The following LDLRAD2 variants were observed in gnomAD, a reference collection of about 807,000 sequenced individuals.
The protein encoded by LDLRAD2 is low-density lipoprotein receptor class A domain-containing protein 2.
Under a neutral mutation model 24.9 loss-of-function variants are expected in LDLRAD2, and 25 were observed. That is an observed-to-expected ratio of 1.00 (90% confidence interval 0.73 to 1.40). The LOEUF (loss-of-function observed/expected upper bound fraction) is 1.40. LDLRAD2 is among the 40% of genes most tolerant of loss of function. The pLI is 0.00. For missense variants in LDLRAD2, 391 were observed against 366.2 expected, an observed-to-expected ratio of 1.07 and a Z score of -0.55; for synonymous variants, 182 against 166.7, an observed-to-expected ratio of 1.09 and a Z score of -0.71.
chr1:21,815,762 C>G (rs1416927079), intron 2 of LDLRAD2, among the ~76,000 whole-genome samples, 181 bp from the exon 3 acceptor site: 1 of 152,188 alleles, frequency 6.6e-6, no homozygotes, highest in Non-Finnish European at 1.5e-5. Context: ...GAAGTCAGTA[C>G]ATGTTAGCTG....
rs1473827463 is a variant in LDLRAD2 at position 21,814,677 on chromosome 1, C to A, written c.365C>A (p.Ala122Glu). 3.8e-6 allele frequency: 6 copies of A among 1,569,136 alleles called. No individual in the cohort carries two copies. The highest frequency in any genetic ancestry group is 1.9e-5 in the Admixed American group (1 of 53,186). The change falls in exon 2 of 5, where the codon GCG becomes GAG. Residue 122 changes from alanine (A) to glutamate (E), a missense_variant. By Grantham distance (107) the Ala-to-Glu change is moderately radical. Coordinates refer to ENST00000344642, the MANE Select transcript of LDLRAD2 (RefSeq NM_001013693.3). Reference sequence around the variant, plus strand: ...CAGTTCTACGAGGGCCCGCCGGGGGCGCCCCGGCCCCTGGGGTCCCCACTG... The same window carrying A: ...CAGTTCTACGAGGGCCCGCCGGGGGAGCCCCGGCCCCTGGGGTCCCCACTG... The part of the protein sequence containing the change: ...YLQFYEGPPG[A>E]PRPLGSPLCG...
In LDLRAD2 at chr1:21,823,145, G is replaced by A. The variant is rs1279981587; in HGVS notation, c.*930G>A. The A allele has an allele frequency of 4.8e-6, 3 of 622,844 alleles. No homozygotes were observed. The highest frequency in any genetic ancestry group is 3.4e-5 in the Admixed American group (1 of 29,782). 38.6% of individuals were successfully genotyped at this position (622,844 alleles called of 1,614,324 possible). ...CTGGCCAGCCTTGTGGCTTTGCCCA[G>A]CTGTGTGTGTGAGGGTGGCATGCCC... On this transcript the variant is annotated 3_prime_UTR_variant, in exon 5 of 5. Transcript: ENST00000344642.
Position 21,823,872 on chromosome 1 carries a change from G to A in LDLRAD2, c.*1657G>A, listed in dbSNP as rs1265202659. 4.0e-6 allele frequency: 3 copies of A among 754,586 alleles called. No individual in the cohort carries two copies. Among genetic ancestry groups the A allele is most frequent in the Non-Finnish European group, 4.5e-6 (2 of 439,928 alleles). 46.7% of individuals were successfully genotyped at this position (754,586 alleles called of 1,614,324 possible). On this transcript the variant is annotated 3_prime_UTR_variant, in exon 5 of 5. Coordinates refer to ENST00000344642, the MANE Select transcript of LDLRAD2 (RefSeq NM_001013693.3). ...TCTTTCCCCCGCTGAACGAGAGATC[G>A]GGCCCCACAAACACAGCTTCCTCAT...
intron 3 of LDLRAD2, among the ~76,000 whole-genome samples, chr1:21,819,613 C>A: frequency 1.0e-5 from 1 of 98,012 alleles, no homozygotes; most frequent in Non-Finnish European, 1.9e-5. Context: ...GAAGTAGAGC[C>A]ATGGTCACTA....
rs1362522273 is a variant in LDLRAD2 at position 21,822,233 on chromosome 1, C to T, written c.*18C>T. ...CTGAGTGAAGCCCTCATCAAAGACTCAGGAGGCCCCTGGCGGGGATAGCAC... is the reference window on the plus strand; with the variant it reads ...CTGAGTGAAGCCCTCATCAAAGACTTAGGAGGCCCCTGGCGGGGATAGCAC... On this transcript the variant is annotated 3_prime_UTR_variant, in exon 5 of 5. Transcript: ENST00000344642. 8.7e-6 allele frequency: 14 copies of T among 1,611,608 alleles called. No individual in the cohort carries two copies. Among genetic ancestry groups the T allele is most frequent in the Non-Finnish European group, 1.1e-5 (13 of 1,177,832 alleles).
rs746232170 is a variant in LDLRAD2, at chr1:21,814,552, G to A, written c.240G>A (p.Gln80=). Residue 80 remains glutamine, a synonymous_variant, in exon 2 of 5, where the codon CAG becomes CAA. Coordinates refer to ENST00000344642, the MANE Select transcript of LDLRAD2 (RefSeq NM_001013693.3). ...AAAPGDRIRF[Q]FRFFLVYSLT... is the part of the protein sequence containing the mutation. ...CCCCCGGCGACCGGATCCGCTTCCA[G>A]TTCCGCTTCTTCCTGGTCTACAGCC... The A allele has an allele frequency of 3.7e-6, 6 of 1,612,466 alleles. No homozygotes were observed. Among genetic ancestry groups the A allele is most frequent in the Non-Finnish European group, 4.2e-6 (5 of 1,179,558 alleles).
At position 21,814,581 on chromosome 1, in the gene LDLRAD2, C is replaced by T. The variant is rs536305107; in HGVS notation, c.269C>T (p.Thr90Ile). The T allele has an allele frequency of 6.2e-7, 1 of 1,611,710 alleles. No homozygotes were observed. Among genetic ancestry groups the T allele is most frequent in the South Asian group, 1.1e-5 (1 of 91,024 alleles). The change falls in exon 2 of 5, where the codon ACC becomes ATC. Residue 90 changes from threonine (T) to isoleucine (I), a missense_variant. Coordinates refer to ENST00000344642, the MANE Select transcript of LDLRAD2 (RefSeq NM_001013693.3). The stretch of plus-strand genomic sequence containing the variant: ...CGCTTCTTCCTGGTCTACAGCCTGA[C>T]CCCCGCGCCCCCGGCGCTCAACACC... ...QFRFFLVYSL[T>I]PAPPALNTSS...
chr1:21,814,356 G>C lies in LDLRAD2; in HGVS notation c.86-42G>C, dbSNP rs757163066. The C allele has an allele frequency of 8.6e-6, 13 of 1,507,496 alleles. No individual in the cohort carries two copies. In the East Asian group the frequency reaches 2.7e-4, roughly 31 times the overall value. 93.4% of individuals were successfully genotyped at this position (1,507,496 alleles called of 1,614,324 possible). On this transcript the variant is annotated intron_variant, in intron 1 of 4. Transcript: ENST00000344642. ...GGGCAGGGGACAGAGTAGAGTTCGG[G>C]GTCGCGCCGCGCGGCTCCAGTTTCC... is the stretch of plus-strand genomic sequence containing the variant.
chr1:21,824,502 G>A lies in LDLRAD2; in HGVS notation c.*2287G>A, dbSNP rs374952895. The A allele has an allele frequency of 1.2e-6, 2 of 1,610,196 alleles. No homozygotes were observed. Among genetic ancestry groups the A allele is most frequent in the Non-Finnish European group, 1.7e-6 (2 of 1,178,320 alleles). On this transcript the variant is annotated 3_prime_UTR_variant, in exon 5 of 5. Coordinates refer to ENST00000344642, the MANE Select transcript of LDLRAD2 (RefSeq NM_001013693.3). This position sits in a 1 kb window ranked among gnomAD's most constrained non-coding sequence, Gnocchi z 5.9. Reference sequence around the variant, plus strand: ...CCAGGAAGCCAGCTTCCTGCCCCAGGAGCCCCAAGAGCCCAGCCGGATACC... The same window carrying A: ...CCAGGAAGCCAGCTTCCTGCCCCAGAAGCCCCAAGAGCCCAGCCGGATACC...
intron 2 of LDLRAD2, among the ~76,000 whole-genome samples, chr1:21,815,203 G>A (rs551299769): frequency 3.3e-5 from 5 of 151,864 alleles, no homozygotes; most frequent in Non-Finnish European, 4.4e-5. Flanking sequence ...TGTCACATAC[G>A]CACAACCCAC....
intron 3 of LDLRAD2, among the ~76,000 whole-genome samples, chr1:21,819,064 G>T (rs1217481765): frequency 6.6e-6 from 1 of 151,724 alleles, no homozygotes; most frequent in East Asian, 1.9e-4. Flanking sequence ...GTTCTTCCCT[G>T]ACTCCTTTAT....
intron 4 of LDLRAD2, chr1:21,821,898 G>A: frequency 7.1e-7 from 1 of 1,416,228 alleles, no homozygotes; most frequent in Non-Finnish European, 9.2e-7. Context: ...CCATGTCCCA[G>A]CCAGGTCTCC....
In LDLRAD2 at chr1:21,823,543, G is replaced by A. The variant is rs940628229; in HGVS notation, c.*1328G>A. The A allele has an allele frequency of 1.2e-6, 2 of 1,610,676 alleles. No individual in the cohort carries two copies. Among genetic ancestry groups the A allele is most frequent in the Non-Finnish European group, 8.5e-7 (1 of 1,178,898 alleles). ...GGGCTCCAGCAGCCCAGGAGGCGAG[G>A]AAGGCTGGGCGAGCTCTAGCCCTAA... On this transcript the variant is annotated 3_prime_UTR_variant, in exon 5 of 5. Coordinates refer to ENST00000344642, the MANE Select transcript of LDLRAD2 (RefSeq NM_001013693.3).
Position 21,824,488 on chromosome 1 carries a change from GC to G in LDLRAD2, c.*2274del, listed in dbSNP as rs2097963372. The G allele has an allele frequency of 6.2e-7, 1 of 1,607,562 alleles. No homozygotes were observed. The highest frequency in any genetic ancestry group is 1.7e-5 in the Admixed American group (1 of 60,002). Reference sequence around the variant, plus strand: ...CACCACTCCGGCCACCAGGAAGCCAGCTTCCTGCCCCAGGAGCCCCAAGAGC... The same window carrying G: ...CACCACTCCGGCCACCAGGAAGCCAGTTCCTGCCCCAGGAGCCCCAAGAGC... On this transcript the variant is annotated 3_prime_UTR_variant, in exon 5 of 5. Coordinates refer to ENST00000344642, the MANE Select transcript of LDLRAD2 (RefSeq NM_001013693.3). The surrounding 1 kb of genome is among the most constrained non-coding windows in gnomAD (Gnocchi z 5.9).
Position 21,822,487 on chromosome 1 carries a change from CATCCGTCCGTCCGTT to C in LDLRAD2, c.*273_*287del. On this transcript the variant is annotated 3_prime_UTR_variant, in exon 5 of 5. Transcript: ENST00000344642. ...ACTAGCTCTTCCTGAGCACCAGCGG[CATCCGTCCGTCCGTT>C]GTCTGTTGGAGGAGTCCCTGGGCCT... The C allele has an allele frequency of 2.3e-6, 1 of 426,082 alleles. No individual in the cohort carries two copies. The highest frequency in any genetic ancestry group is 4.4e-6 in the Non-Finnish European group (1 of 227,156). The allele number at this position is 426,082 out of a possible 1,614,324, so 26.4% of individuals were successfully genotyped here.
chr1:21,822,001 G>C, intron 4 of LDLRAD2: 1 of 1,433,716 alleles, frequency 7.0e-7, no homozygotes, highest in Non-Finnish European at 9.1e-7. Context: ...ACTAGGCTCT[G>C]GGGTCAGACT....
Position 21,815,923 on chromosome 1 carries a change from G to C in LDLRAD2, c.512-20G>C, listed in dbSNP as rs1439110117. ...GGCTGGACCGGAATCCTCACCTCAG[G>C]CTTCTGCTTCTGGCCTCAGGACCTT... On this transcript the variant is annotated intron_variant, in intron 2 of 4. Coordinates refer to ENST00000344642, the MANE Select transcript of LDLRAD2 (RefSeq NM_001013693.3). The C allele has an allele frequency of 6.2e-7, 1 of 1,613,288 alleles. No homozygotes were observed. Among genetic ancestry groups the C allele is most frequent in the Admixed American group, 1.7e-5 (1 of 59,972 alleles).
At position 21,824,870 on chromosome 1, in the gene LDLRAD2, T is replaced by G. The variant is rs1333334932; in HGVS notation, c.*2655T>G. The G allele has an allele frequency of 8.3e-7, 1 of 1,200,440 alleles. No individual in the cohort carries two copies. The highest frequency in any genetic ancestry group is 1.5e-5 in the African/African-American group (1 of 66,322). The allele number at this position is 1,200,440 out of a possible 1,614,324, so 74.4% of individuals were successfully genotyped here. The stretch of plus-strand genomic sequence containing the variant: ...CCTGACCCCCACCTCCACGCCAACA[T>G]GCAGGACTAGGGGGCTCCGAGCCTG... On this transcript the variant is annotated 3_prime_UTR_variant, in exon 5 of 5. Coordinates refer to ENST00000344642, the MANE Select transcript of LDLRAD2 (RefSeq NM_001013693.3). This position sits in a 1 kb window ranked among gnomAD's most constrained non-coding sequence, Gnocchi z 5.9.
chr1:21,814,584 CCG>C lies in LDLRAD2; in HGVS notation c.276_277del (p.Pro94GlyfsTer98). ...TTCTTCCTGGTCTACAGCCTGACCC[CCG>C]CGCCCCCGGCGCTCAACACCTCCTC... On this transcript the variant is annotated frameshift_variant, in exon 2 of 5. Coordinates refer to ENST00000344642, the MANE Select transcript of LDLRAD2 (RefSeq NM_001013693.3). LOFTEE classifies it high-confidence loss of function. 6.2e-7 allele frequency: 1 copy of C among 1,611,892 alleles called. No individual in the cohort carries two copies. The highest frequency in any genetic ancestry group is 8.5e-7 in the Non-Finnish European group (1 of 1,179,342).
Sources: gnomAD v4.1 joint callset for allele counts (sites outside exome capture counted in the v4.1 genomes callset) on GRCh38, gnomAD v4.1.1 for gene constraint, Gnocchi (gnomAD v3.1) non-coding constraint, MANE v1.5 for transcripts, NCBI Gene and HGNC (gene_info 2026-07-23, HGNC 2026-07-21) for gene names.